Variants in ROR2 observed in about 807,000 individuals in gnomAD.
The protein encoded by ROR2 is tyrosine-protein kinase transmembrane receptor ROR2.
Under a neutral mutation model 74.9 loss-of-function variants are expected in ROR2, and 33 were observed. The ratio of observed to expected loss-of-function variants is 0.44; its 90% CI spans 0.33 to 0.59. ROR2 has a LOEUF of 0.59. Ranked by LOEUF, ROR2 falls within the 20% of genes least tolerant of loss-of-function variation. The pLI is 0.02. For missense variants in ROR2, 1,216 were observed against 1,313.8 expected, an observed-to-expected ratio of 0.93 and a Z score of 1.15; for synonymous variants, 586 against 558.7, an observed-to-expected ratio of 1.05 and a Z score of -0.69.
intron 1 of ROR2, among the ~76,000 whole-genome samples, chr9:91,901,462 C>T (rs1355230387): frequency 6.6e-6 from 1 of 152,174 alleles, no homozygotes; most frequent in East Asian, 1.9e-4. Context: ...GGAGAAAAGG[C>T]TCACGTCATT....
At chr9:91,760,615 CAG>C (rs1564257694) in intron 2 of ROR2, among the ~76,000 whole-genome samples, 1 of 146,014 alleles carries the variant, frequency 6.8e-6, no homozygotes, top group African/African-American at 2.6e-5. Flanking sequence ...GCCTGGGTGA[CAG>C]AGCGAGACTC....
At position 91,922,633 on chromosome 9, in the gene ROR2, T is replaced by G. The variant is rs1214217673; in HGVS notation, c.97+27234A>C. ...CATGCCCGGCTAATTTTTTGTATTT[T>G]TAGTAGAGACAGGATTTCACCATGT... On this transcript the variant is annotated intron_variant, in intron 1 of 8. Coordinates refer to ENST00000375708, the MANE Select transcript of ROR2 (RefSeq NM_004560.4). Among the ~76,000 whole-genome samples, 3 of 152,098 alleles carry G rather than the reference T, an allele frequency of 2.0e-5. No homozygotes were observed. The East Asian group carries it at 5.8e-4, about 29-fold the overall frequency.
chr9:91,894,414 G>A (rs7036194), intron 1 of ROR2, among the ~76,000 whole-genome samples: 2,900 of 152,282 alleles, frequency 0.019, 113 homozygotes, highest in African/African-American at 0.065. Context: ...TAAACTTTAA[G>A]GGGAAGGGAG....
intron 2 of ROR2, among the ~76,000 whole-genome samples, chr9:91,774,448 T>C (rs1477392338): frequency 3.3e-5 from 5 of 152,194 alleles, no homozygotes; most frequent in Non-Finnish European, 7.3e-5. Context: ...TCCCTCAATG[T>C]GATGATATTT....
intron 1 of ROR2, among the ~76,000 whole-genome samples, chr9:91,830,276 G>A (rs1828425217): frequency 6.6e-6 from 1 of 152,138 alleles, no homozygotes. Context: ...ACCAGCCTGG[G>A]CAACACAGTG....
At chr9:91,927,816 G>A (rs777158976) in intron 1 of ROR2, among the ~76,000 whole-genome samples, 4 of 151,852 alleles carry the variant, frequency 2.6e-5, no homozygotes, top group Non-Finnish European at 5.9e-5. Flanking sequence ...CACCCTCCTC[G>A]GCCTCCCAAA....
At chr9:91,926,937 A>G (rs1203552582) in intron 1 of ROR2, among the ~76,000 whole-genome samples, 1 of 152,210 alleles carries the variant, frequency 6.6e-6, no homozygotes, top group Non-Finnish European at 1.5e-5. Flanking sequence ...TGATGGCTGC[A>G]CAGCAACGTG....
chr9:91,899,628 A>G (rs1302901917), intron 1 of ROR2, among the ~76,000 whole-genome samples: 2 of 152,104 alleles, frequency 1.3e-5, no homozygotes, highest in Non-Finnish European at 2.9e-5. Flanking sequence ...TCCGTCCCCA[A>G]GGAGAAAGAT....
At chr9:91,900,404 C>G (rs962922559) in intron 1 of ROR2, among the ~76,000 whole-genome samples, 14 of 152,258 alleles carry the variant, frequency 9.2e-5, no homozygotes, top group African/African-American at 3.1e-4. Flanking sequence ...GGCGCAGGCC[C>G]CCCCACGCAG....
intron 1 of ROR2, among the ~76,000 whole-genome samples, chr9:91,913,188 T>C (rs1831037905): frequency 6.6e-6 from 1 of 151,676 alleles, no homozygotes; most frequent in Non-Finnish European, 1.5e-5. Flanking sequence ...GAGTATACAA[T>C]GGTACTCTTT....
chr9:91,800,608 A>G (rs900145162), intron 1 of ROR2, among the ~76,000 whole-genome samples: 1 of 152,134 alleles, frequency 6.6e-6, no homozygotes, highest in Non-Finnish European at 1.5e-5. Flanking sequence ...TAAAAATGTT[A>G]ACACAAAACT....
At chr9:91,757,877 T>C (rs528191645) in intron 2 of ROR2, among the ~76,000 whole-genome samples, 39 of 152,336 alleles carry the variant, frequency 2.6e-4, no homozygotes, top group African/African-American at 8.4e-4. Context: ...CAATGTGTAC[T>C]GTTGATTCCT....
chr9:91,840,286 TTC>T (rs1166316069), intron 1 of ROR2, among the ~76,000 whole-genome samples: 1 of 152,110 alleles, frequency 6.6e-6, no homozygotes, highest in African/African-American at 2.4e-5. Flanking sequence ...CCGTTTCTCT[TTC>T]TCTTTCTAAC....
chr9:91,762,682 A>G (rs1825951995), intron 2 of ROR2, among the ~76,000 whole-genome samples: 1 of 152,182 alleles, frequency 6.6e-6, no homozygotes, highest in Non-Finnish European at 1.5e-5. Context: ...GCATATTTAT[A>G]TTATTTTATG....
chr9:91,901,675 G>A (rs529393014), intron 1 of ROR2, among the ~76,000 whole-genome samples: 1 of 152,044 alleles, frequency 6.6e-6, no homozygotes, highest in South Asian at 2.1e-4. Flanking sequence ...AATTAGCCAG[G>A]CATGGTGGCA....
intron 1 of ROR2, among the ~76,000 whole-genome samples, chr9:91,892,941 A>G (rs1830458571): frequency 1.3e-5 from 2 of 152,128 alleles, no homozygotes; most frequent in Non-Finnish European, 1.5e-5. Flanking sequence ...GGTCTATACT[A>G]TAAAGTACAT....
chr9:91,845,248 C>G (rs1019317006), intron 1 of ROR2, among the ~76,000 whole-genome samples: 2 of 152,084 alleles, frequency 1.3e-5, no homozygotes, highest in African/African-American at 2.4e-5. Flanking sequence ...AGGGTGAGAG[C>G]CTGTCCTGGG....
intron 1 of ROR2, among the ~76,000 whole-genome samples, chr9:91,936,745 C>T (rs1017692115): frequency 1.3e-5 from 2 of 152,044 alleles, no homozygotes; most frequent in African/African-American, 4.8e-5. Flanking sequence ...GATTTCCCAT[C>T]TTCGGCCGGG....
intron 2 of ROR2, among the ~76,000 whole-genome samples, chr9:91,761,011 G>T (rs900184786): frequency 1.3e-5 from 2 of 152,160 alleles, no homozygotes; most frequent in Non-Finnish European, 2.9e-5. Context: ...CATCTACATA[G>T]TGTACTAATT....
Sources: gnomAD v4.1 joint callset for allele counts (sites outside exome capture counted in the v4.1 genomes callset) on GRCh38, gnomAD v4.1.1 for gene constraint, MANE v1.5 for transcripts, NCBI Gene and HGNC (gene_info 2026-07-23, HGNC 2026-07-21) for gene names.